Variants in CNOT6 observed in about 807,000 individuals in gnomAD.
CNOT6 encodes CCR4-NOT transcription complex subunit 6.
CNOT6 carries 12 observed loss-of-function variants against 61.2 expected under a neutral mutation model. The observed-to-expected ratio is 0.20, with a 90% CI of 0.13 to 0.32. CNOT6 has a LOEUF of 0.32. Ranked by LOEUF, CNOT6 falls within the 10% of genes least tolerant of loss-of-function variation. The pLI is 1.00. For missense variants in CNOT6, 405 were observed against 663.9 expected (o/e 0.61, Z 4.28); for synonymous variants, 225 against 240.6 (o/e 0.94, Z 0.60).
chr5:180,516,624 A>T (rs1293586580), intron 1 of CNOT6, among the ~76,000 whole-genome samples: 2 of 152,250 alleles, frequency 1.3e-5, no homozygotes, highest in Non-Finnish European at 2.9e-5. Flanking sequence ...ACATTTTTAT[A>T]CCTGGTCAGA....
At chr5:180,545,773 G>A (rs1759286217) in intron 2 of CNOT6, among the ~76,000 whole-genome samples, 1 of 152,098 alleles carries the variant, frequency 6.6e-6, no homozygotes, top group African/African-American at 2.4e-5. Flanking sequence ...AACTGAATCT[G>A]GTTTGCAAAG....
chr5:180,567,429 T>G (rs1460308576), intron 8 of CNOT6, among the ~76,000 whole-genome samples, 187 bp downstream of exon 8: 1 of 152,210 alleles, frequency 6.6e-6, no homozygotes, highest in African/African-American at 2.4e-5. Context: ...TTTGGAGACA[T>G]GCTTAAAGTA....
intron 1 of CNOT6, among the ~76,000 whole-genome samples, chr5:180,510,510 A>G (rs1347084523): frequency 6.6e-6 from 1 of 152,190 alleles, no homozygotes; most frequent in African/African-American, 2.4e-5. Flanking sequence ...GCACAGGCAC[A>G]TATTTTTAAT....
rs113583352 is a variant in CNOT6, at chr5:180,548,619, T to C, written c.113-1312T>C. Among the ~76,000 whole-genome samples, 938 of 152,300 alleles carry C rather than the reference T, an allele frequency of 6.2e-3. 10 individuals carry two copies. Among genetic ancestry groups the C allele is most frequent in the African/African-American group, 0.022 (904 of 41,568 alleles). ...TGTCCAAGGAGTAAGCTGAGACAGT[T>C]ATAGGGTCTACCCTGTTTGTTTCCC... On this transcript the variant is annotated intron_variant, in intron 2 of 11. Coordinates refer to ENST00000261951, the MANE Select transcript of CNOT6 (RefSeq NM_001370472.1).
At chr5:180,557,530 G>A (rs1759959754) in intron 4 of CNOT6, among the ~76,000 whole-genome samples, 2 of 152,054 alleles carry the variant, frequency 1.3e-5, no homozygotes, top group South Asian at 2.1e-4. Flanking sequence ...TTTTTCTTCT[G>A]TGACATTTCT....
chr5:180,539,780 A>G lies in CNOT6; in HGVS notation c.113-10151A>G, dbSNP rs543519715. Among the ~76,000 whole-genome samples the G allele has an allele frequency of 2.3e-4, 35 of 151,512 alleles. 1 individual carries two copies. In the South Asian group the frequency reaches 4.4e-3, roughly 19 times the overall value. On this transcript the variant is annotated intron_variant, in intron 2 of 11. Coordinates refer to ENST00000261951, the MANE Select transcript of CNOT6 (RefSeq NM_001370472.1). ...AATTTTTTGTATTTTTAGTAGAGACAGGGCTTCACCGTGTTAGCCAGGATG... is the reference window on the plus strand; with the variant it reads ...AATTTTTTGTATTTTTAGTAGAGACGGGGCTTCACCGTGTTAGCCAGGATG...
At chr5:180,542,942 A>T (rs1759117069) in intron 2 of CNOT6, among the ~76,000 whole-genome samples, 1 of 152,252 alleles carries the variant, frequency 6.6e-6, no homozygotes, top group Admixed American at 6.5e-5. Context: ...GAAAATTAGG[A>T]TCCTTAATTT....
At chr5:180,530,231 T>C (rs1758288770) in intron 2 of CNOT6, among the ~76,000 whole-genome samples, 1 of 152,198 alleles carries the variant, frequency 6.6e-6, no homozygotes, top group Admixed American at 6.5e-5. Flanking sequence ...GCAGCAGACA[T>C]ACTGAGCATA....
intron 4 of CNOT6, among the ~76,000 whole-genome samples, chr5:180,560,620 C>A (rs1760116673): frequency 6.6e-6 from 1 of 152,126 alleles, no homozygotes. Flanking sequence ...GGTAAGGTGT[C>A]ATTTTTCTCC....
At chr5:180,510,134 CTTT>C (rs56899929) in intron 1 of CNOT6, among the ~76,000 whole-genome samples, 209 of 37,264 alleles carry the variant, frequency 5.6e-3, no homozygotes, top group African/African-American at 7.0e-3. Flanking sequence ...GTCTGTAAAC[CTTT>C]TTTTTTTTTT....
At position 180,575,407 on chromosome 5, in the gene CNOT6, T is replaced by A. The variant is rs1760959846; in HGVS notation, c.*1207T>A. ...TGCTGCTTGTCACCCAGAATACTAC[T>A]ATCATGTGAATTCTTTTTGTCGTCA... is the stretch of plus-strand genomic sequence containing the variant. On this transcript the variant is annotated 3_prime_UTR_variant, in exon 12 of 12. Transcript: ENST00000261951. 1 of 152,146 alleles carries A rather than the reference T, an allele frequency of 6.6e-6. No homozygotes were observed. The highest frequency in any genetic ancestry group is 1.5e-5 in the Non-Finnish European group (1 of 68,024). 9.4% of individuals were successfully genotyped at this position (152,146 alleles called of 1,614,324 possible).
At chr5:180,553,543 T>C in intron 4 of CNOT6, 72 bp downstream of exon 4, 1 of 1,111,476 alleles carries the variant, frequency 9.0e-7, no homozygotes, top group Non-Finnish European at 1.3e-6. Context: ...CAAGAAGCTT[T>C]CTGCTAGGGG....
In CNOT6 at chr5:180,564,492, A is replaced by G. The variant is rs1311743209; in HGVS notation, c.389A>G (p.Asn130Ser). 1 of 1,596,272 alleles carries G rather than the reference A, an allele frequency of 6.3e-7. No individual in the cohort carries two copies. The highest frequency in any genetic ancestry group is 8.5e-7 in the Non-Finnish European group (1 of 1,170,376). ...CTTATTTCAAAAATATTTCCAGGAA[A>G]TCCCCTTACCCAGGATATATTGAAC... is the stretch of plus-strand genomic sequence containing the variant. ...FQLQTLGLKG[N>S]PLTQDILNLY... is the part of the protein sequence containing the mutation. The change falls in exon 5 of 12, where the codon AAT becomes AGT. Residue 130 changes from asparagine (N) to serine (S), a missense_variant. Physicochemically the swap from Asn to Ser is conservative, Grantham distance 46 (BLOSUM62 1). Around this residue, in one of 5 missense-constraint regions of CNOT6, gnomAD observed 212 missense variants for 307.1 expected, o/e 0.69. Transcript: ENST00000261951.
rs543924650 is a variant in CNOT6, at chr5:180,513,859, A to G, written c.-2-15416A>G. Among the ~76,000 whole-genome samples the G allele has an allele frequency of 8.6e-5, 13 of 151,378 alleles. No homozygotes were observed. In the East Asian group the frequency reaches 1.6e-3, roughly 18 times the overall value. ...GCTGGGACTACAGGCGCCCGCCACC[A>G]CGCCCGGCTAATTTTTTGTATTTTT... On this transcript the variant is annotated intron_variant, in intron 1 of 11. Coordinates refer to ENST00000261951, the MANE Select transcript of CNOT6 (RefSeq NM_001370472.1).
At chr5:180,555,930 G>T (rs187875924) in intron 4 of CNOT6, among the ~76,000 whole-genome samples, 54 of 152,148 alleles carry the variant, frequency 3.5e-4, no homozygotes, top group African/African-American at 1.1e-3. Context: ...CTTCAAAATT[G>T]TGCCGCAGTA....
chr5:180,561,934 T>C (rs560140465), intron 4 of CNOT6, among the ~76,000 whole-genome samples: 313 of 152,388 alleles, frequency 2.1e-3, no homozygotes, highest in Non-Finnish European at 3.7e-3. Flanking sequence ...CACTTGCTCA[T>C]GCTGGCATGG....
At chr5:180,518,739 A>T (rs1757756177) in intron 1 of CNOT6, among the ~76,000 whole-genome samples, 3 of 152,146 alleles carry the variant, frequency 2.0e-5, no homozygotes, top group African/African-American at 7.2e-5. Context: ...GAGCTTGAGC[A>T]GGCCTCCTGC....
chr5:180,568,926 A>G (rs541514594), intron 9 of CNOT6, among the ~76,000 whole-genome samples, 184 bp from the exon 10 acceptor site: 13 of 152,360 alleles, frequency 8.5e-5, no homozygotes, highest in South Asian at 4.1e-4. Context: ...TGGAAGCATC[A>G]GCCCAGGTTG....
intron 1 of CNOT6, among the ~76,000 whole-genome samples, chr5:180,509,334 C>T (rs1033914639): frequency 2.0e-5 from 3 of 151,972 alleles, no homozygotes; most frequent in Admixed American, 6.6e-5. Flanking sequence ...CAGGTTTTGC[C>T]ATGTTACTGG....
Sources: allele counts gnomAD v4.1 joint callset (sites outside exome capture counted in the v4.1 genomes callset), GRCh38; gene constraint gnomAD v4.1.1; regional missense constraint gnomAD v4.1.1; transcripts MANE v1.5; gene names NCBI Gene and HGNC (gene_info 2026-07-23, HGNC 2026-07-21).